The following ABL2 variants were observed in gnomAD, a reference collection of about 807,000 sequenced individuals.
ABL2 encodes ABL proto-oncogene 2, non-receptor tyrosine kinase.
A neutral mutation model predicts 107.7 loss-of-function variants in ABL2; 49 were observed. That is an observed-to-expected ratio of 0.45 (90% CI 0.36 to 0.58). The LOEUF (loss-of-function observed/expected upper bound fraction) is 0.58. Among genes scored for constraint, ABL2 ranks in the 20% least tolerant of loss-of-function variants. The probability of loss-of-function intolerance (pLI) is 0.00; values close to 1 mark genes in which losing one functional copy is unlikely to be tolerated. For synonymous variants in ABL2, 549 were observed against 548.6 expected, an observed-to-expected ratio of 1.00 and a Z score of -0.01; for missense variants, 1,245 against 1,457.0, an observed-to-expected ratio of 0.85 and a Z score of 2.37.
intron 1 of ABL2, among the ~76,000 whole-genome samples, chr1:179,185,966 C>T (rs1557983562): frequency 6.6e-6 from 1 of 152,004 alleles, no homozygotes; most frequent in Non-Finnish European, 1.5e-5. Flanking sequence ...TAGCAATGGG[C>T]CGGGCGCAGT....
Position 179,108,178 on chromosome 1 carries a change from A to T in ABL2, c.3089T>A (p.Val1030Glu). The change falls in exon 12 of 12, where the codon GTG becomes GAG. Residue 1030 changes from valine to glutamate, a missense_variant. Physicochemically the swap from Val to Glu is moderately radical, Grantham distance 121. Coordinates refer to ENST00000502732, the MANE Select transcript of ABL2 (RefSeq NM_007314.4). ...CCTCCCAGCTTTCCCACTGATGGGC[A>T]CTGCGCCCAGAGCTGCCTTCTTTCC... ...EGGKKAALGA[V>E]PISGKAGRPV... 1.2e-6 allele frequency: 2 copies of T among 1,614,190 alleles called. No individual in the cohort carries two copies. The highest frequency in any genetic ancestry group is 2.7e-5 in the African/African-American group (2 of 75,036).
intron 4 of ABL2, among the ~76,000 whole-genome samples, chr1:179,122,952 G>A (rs181874189): frequency 3.9e-5 from 6 of 152,194 alleles, no homozygotes; most frequent in South Asian, 2.1e-4. Flanking sequence ...GAACTACCAC[G>A]CCCGGCCAGT....
At chr1:179,186,287 T>C (rs1660680614) in intron 1 of ABL2, among the ~76,000 whole-genome samples, 1 of 152,098 alleles carries the variant, frequency 6.6e-6, no homozygotes, top group South Asian at 2.1e-4. Context: ...TACAACTACT[T>C]AATGAGTAAT....
chr1:179,209,557 C>T (rs1662154142), intron 1 of ABL2, among the ~76,000 whole-genome samples: 1 of 152,200 alleles, frequency 6.6e-6, no homozygotes, highest in African/African-American at 2.4e-5. Context: ...TCTCCCCATA[C>T]ATCTACTGCT....
intron 1 of ABL2, among the ~76,000 whole-genome samples, chr1:179,217,340 G>C (rs1267575966): frequency 1.4e-5 from 2 of 147,116 alleles, no homozygotes; most frequent in African/African-American, 5.0e-5. Flanking sequence ...TCGGCCTGTG[G>C]CTCAGTCAGG....
In ABL2 at chr1:179,103,024, A is replaced by G. The variant is rs1390167175; in HGVS notation, c.*4694T>C. On this transcript the variant is annotated 3_prime_UTR_variant, in exon 12 of 12. Transcript: ENST00000502732. ...ATCAACAGATAACAAGTCTGTTCCC[A>G]CCACATTTAGGATAAATGGCCAAGC... 4.5e-6 allele frequency: 1 copy of G among 224,346 alleles called. No homozygotes were observed. Among genetic ancestry groups the G allele is most frequent in the Non-Finnish European group, 8.9e-6 (1 of 112,568 alleles). The allele number at this position is 224,346 out of a possible 1,614,324, so 13.9% of individuals were successfully genotyped here.
At chr1:179,168,985 T>C (rs1659551964) in intron 1 of ABL2, among the ~76,000 whole-genome samples, 1 of 152,206 alleles carries the variant, frequency 6.6e-6, no homozygotes, top group Non-Finnish European at 1.5e-5. Flanking sequence ...CAGAGGATGA[T>C]ATAGTCTAAT....
chr1:179,132,419 C>A (rs1390447870), intron 2 of ABL2, among the ~76,000 whole-genome samples: 1 of 152,202 alleles, frequency 6.6e-6, no homozygotes, highest in Non-Finnish European at 1.5e-5. Context: ...TATCAATTTT[C>A]TTGATCAGAC....
intron 1 of ABL2, among the ~76,000 whole-genome samples, chr1:179,185,635 T>C (rs1660642419): frequency 6.6e-6 from 1 of 152,064 alleles, no homozygotes; most frequent in Admixed American, 6.6e-5. Flanking sequence ...CCATATTACA[T>C]TTTCTTATTT....
intron 1 of ABL2, among the ~76,000 whole-genome samples, chr1:179,191,719 C>G (rs1029773950): frequency 1.3e-5 from 2 of 152,024 alleles, no homozygotes; most frequent in African/African-American, 4.8e-5. Context: ...CCACCTTGTC[C>G]GGCCTCTGAA....
chr1:179,118,540 G>A (rs781506284), intron 7 of ABL2, 47 bp downstream of exon 7: 2 of 1,559,304 alleles, frequency 1.3e-6, no homozygotes, highest in Non-Finnish European at 1.7e-6. Context: ...TTATCTGCAT[G>A]TCAAGCAAGA....
At chr1:179,133,194 T>C (rs1656511966) in intron 2 of ABL2, 118 bp downstream of exon 2, 1 of 1,502,058 alleles carries the variant, frequency 6.7e-7, no homozygotes, top group Non-Finnish European at 9.1e-7. Context: ...AGTTTTATCA[T>C]ATATGAAAGG....
At chr1:179,127,543 T>A (rs1015743345) in intron 3 of ABL2, among the ~76,000 whole-genome samples, 6 of 152,196 alleles carry the variant, frequency 3.9e-5, no homozygotes, top group African/African-American at 1.4e-4. Context: ...CTTGCCCCGA[T>A]ACTTGCAGCA....
chr1:179,229,170 G>GGCCCCCC, intron 1 of ABL2, 71 bp downstream of exon 1: 4 of 266,256 alleles, frequency 1.5e-5, no homozygotes, highest in Admixed American at 6.9e-5. Context: ...CAGCCCGTCC[G>GGCCCCCC]CCACCCACCC....
At chr1:179,184,552 G>C in intron 1 of ABL2, 1 of 569,768 alleles carries the variant, frequency 1.8e-6, no homozygotes, top group Non-Finnish European at 3.2e-6. Flanking sequence ...GACTGATATG[G>C]ATGAAGAAGG....
rs1655763608 is a variant in ABL2, at chr1:179,126,786, T to C, written c.392-114A>G. The C allele has an allele frequency of 3.5e-6, 4 of 1,153,020 alleles. No individual in the cohort carries two copies. The East Asian group carries it at 7.8e-5, about 22-fold the overall frequency. 71.4% of individuals were successfully genotyped at this position (1,153,020 alleles called of 1,614,324 possible). A position where few individuals can be genotyped will look rare whatever the true frequency, so the allele number is the denominator to read the frequency against. On this transcript the variant is annotated intron_variant, in intron 3 of 11. Transcript: ENST00000502732. This position sits in a 1 kb window ranked among gnomAD's most constrained non-coding sequence, Gnocchi z 4.4. ...AAAAAAAAAAAAGAATCTAGAACTT[T>C]TATGCCAAATTTTTTTTTTAAATAA...
intron 1 of ABL2, among the ~76,000 whole-genome samples, chr1:179,160,704 T>C (rs1487032266): frequency 6.6e-6 from 1 of 152,188 alleles, no homozygotes; most frequent in Non-Finnish European, 1.5e-5. Flanking sequence ...TTATGTACCA[T>C]ATATGACAAT....
chr1:179,199,704 C>A (rs1428454828), intron 1 of ABL2, among the ~76,000 whole-genome samples: 1 of 149,610 alleles, frequency 6.7e-6, no homozygotes, highest in African/African-American at 2.5e-5. Context: ...ATAGATCTAT[C>A]TAGTTCCAAA....
intron 1 of ABL2, among the ~76,000 whole-genome samples, chr1:179,212,155 G>A (rs1416537777): frequency 2.0e-5 from 3 of 152,164 alleles, no homozygotes; most frequent in Non-Finnish European, 4.4e-5. Context: ...CAGACATGGT[G>A]AGAACTTACC....
Sources: allele counts gnomAD v4.1 joint callset (sites outside exome capture counted in the v4.1 genomes callset), GRCh38; gene constraint gnomAD v4.1.1; non-coding constraint Gnocchi (gnomAD v3.1); transcripts MANE v1.5; gene names NCBI Gene and HGNC (gene_info 2026-07-23, HGNC 2026-07-21).